SHISA9: variants seen among roughly 807,000 people sequenced by gnomAD.
The protein encoded by SHISA9 is shisa family member 9, also known as protein shisa-9.
In SHISA9, 13 loss-of-function variants were observed where a neutral mutation model predicts 38.0. The observed-to-expected ratio is 0.34, with a 90% CI of 0.22 to 0.54. The LOEUF (loss-of-function observed/expected upper bound fraction) is 0.54. Ranked by LOEUF, SHISA9 falls within the 20% of genes least tolerant of loss-of-function variation. SHISA9 has a pLI of 0.91. For missense variants in SHISA9, 538 were observed against 575.8 expected, an observed-to-expected ratio of 0.93 and a Z score of 0.67; for synonymous variants, 275 against 242.0, an observed-to-expected ratio of 1.14 and a Z score of -1.27.
chr16:13,367,708 G>GCACACA, the SHISA9 span, among the ~76,000 whole-genome samples: 41 of 116,670 alleles, frequency 3.5e-4, no homozygotes, highest in Non-Finnish European at 4.9e-4. Flanking sequence ...GCGCGCGCGC[G>GCACACA]CGCGCACACA....
chr16:12,970,379 ATACATATATG>A (rs1306724377), intron 2 of SHISA9, among the ~76,000 whole-genome samples: 6 of 76,718 alleles, frequency 7.8e-5, no homozygotes, highest in Non-Finnish European at 1.2e-4. Context: ...ACATATATAT[ATACATATATG>A]TATATATATA....
chr16:13,207,466 A>T (rs1232617398), intron 3 of SHISA9, among the ~76,000 whole-genome samples: 1 of 129,580 alleles, frequency 7.7e-6, no homozygotes, highest in African/African-American at 3.0e-5. Context: ...GTCTTTGACA[A>T]GAATAAAAAA....
At chr16:13,322,690 C>G in the SHISA9 span, among the ~76,000 whole-genome samples, 1 of 152,128 alleles carries the variant, frequency 6.6e-6, no homozygotes, top group South Asian at 2.1e-4. Flanking sequence ...TCTCGCATCC[C>G]CATCCATCCT....
chr16:13,053,802 G>T (rs1338157385), intron 2 of SHISA9, among the ~76,000 whole-genome samples: 1 of 152,152 alleles, frequency 6.6e-6, no homozygotes, highest in Admixed American at 6.5e-5. Flanking sequence ...AATTCTTCTA[G>T]CAGTGAAAAT....
At chr16:13,460,342 ATCAG>A in the SHISA9 span, among the ~76,000 whole-genome samples, 1 of 152,174 alleles carries the variant, frequency 6.6e-6, no homozygotes, top group Non-Finnish European at 1.5e-5. Context: ...CTCATTATAT[ATCAG>A]TCATTTACTG....
At chr16:13,283,499 A>G in the SHISA9 span, among the ~76,000 whole-genome samples, 3 of 152,124 alleles carry the variant, frequency 2.0e-5, no homozygotes, top group South Asian at 2.1e-4. Flanking sequence ...AGCAAGTCAC[A>G]TCTTACATGG....
At chr16:13,296,218 T>G in the SHISA9 span, among the ~76,000 whole-genome samples, 1 of 139,244 alleles carries the variant, frequency 7.2e-6, no homozygotes, top group South Asian at 2.2e-4. Context: ...TGCTTTTTTG[T>G]TTTTTTTTTT....
At chr16:13,404,469 A>C in the SHISA9 span, among the ~76,000 whole-genome samples, 34 of 152,256 alleles carry the variant, frequency 2.2e-4, no homozygotes, top group African/African-American at 7.5e-4. Context: ...GCCAAGAGAG[A>C]AGGGAAGGTA....
chr16:13,561,398 T>G, the SHISA9 span, among the ~76,000 whole-genome samples: 51 of 152,234 alleles, frequency 3.4e-4, no homozygotes, highest in South Asian at 1.9e-3. Flanking sequence ...CCCAGAGAGA[T>G]TCCCATAACT....
chr16:12,978,221 A>G (rs908100820), intron 2 of SHISA9, among the ~76,000 whole-genome samples: 2 of 152,174 alleles, frequency 1.3e-5, no homozygotes, highest in Admixed American at 1.3e-4. Context: ...CCAAAATGGC[A>G]CCACTGACAT....
chr16:13,136,877 A>G (rs2050354412), intron 2 of SHISA9, among the ~76,000 whole-genome samples: 1 of 152,156 alleles, frequency 6.6e-6, no homozygotes, highest in Non-Finnish European at 1.5e-5. Flanking sequence ...AAAAGATGAG[A>G]AGGATTTCCT....
chr16:13,354,472 A>G, the SHISA9 span, among the ~76,000 whole-genome samples: 1 of 151,568 alleles, frequency 6.6e-6, no homozygotes, highest in Admixed American at 6.6e-5. Flanking sequence ...GCCAGGAACA[A>G]CGGTAATTGT....
the SHISA9 span, among the ~76,000 whole-genome samples, chr16:13,361,210 C>T: frequency 2.6e-5 from 4 of 152,204 alleles, no homozygotes; most frequent in African/African-American, 7.2e-5. Flanking sequence ...CCATCTTTCT[C>T]TTCCTTTTAT....
At chr16:13,152,818 A>G (rs1018005064) in intron 2 of SHISA9, among the ~76,000 whole-genome samples, 1 of 152,176 alleles carries the variant, frequency 6.6e-6, no homozygotes, top group Non-Finnish European at 1.5e-5. Context: ...AATAATTGGA[A>G]ACTACATAAA....
At chr16:13,461,236 G>A in the SHISA9 span, among the ~76,000 whole-genome samples, 5 of 152,118 alleles carry the variant, frequency 3.3e-5, no homozygotes, top group African/African-American at 1.2e-4. Context: ...CTGTCCTGGT[G>A]GCTGAACCCA....
chr16:13,117,468 C>G (rs1596659007), intron 2 of SHISA9, among the ~76,000 whole-genome samples: 2 of 152,280 alleles, frequency 1.3e-5, no homozygotes. Flanking sequence ...TAAAAAGGGT[C>G]TTGCAGATGT....
At chr16:13,537,944 G>A in the SHISA9 span, among the ~76,000 whole-genome samples, 2 of 152,164 alleles carry the variant, frequency 1.3e-5, no homozygotes, top group South Asian at 4.1e-4. Flanking sequence ...GAGAAAAATG[G>A]TGTTTTCTAC....
chr16:13,272,493 G>C, the SHISA9 span, among the ~76,000 whole-genome samples: 1 of 152,078 alleles, frequency 6.6e-6, no homozygotes, highest in African/African-American at 2.4e-5. Flanking sequence ...CTCAGAAAGT[G>C]TTGGTATTAC....
At chr16:13,469,365 A>AAGAAAGAAAAGAAAAAGAAAGAAAGAAAG in the SHISA9 span, among the ~76,000 whole-genome samples, 4 of 64,532 alleles carry the variant, frequency 6.2e-5, no homozygotes, top group African/African-American at 6.6e-5. Flanking sequence ...AAAGAAAAGA[A>AAGAAAGAAAAGAAAAAGAAAGAAAGAAAG]AAAGAAAGAA....
Sources: gnomAD v4.1 joint callset for allele counts (sites outside exome capture counted in the v4.1 genomes callset) on GRCh38, gnomAD v4.1.1 for gene constraint, MANE v1.5 for transcripts, NCBI Gene and HGNC (gene_info 2026-07-23, HGNC 2026-07-21) for gene names.